Variants in SNF8 observed in about 807,000 individuals in gnomAD.
SNF8 encodes the protein SNF8 subunit of ESCRT-II.
A neutral mutation model predicts 36.8 loss-of-function variants in SNF8; 19 were observed. That is an observed-to-expected ratio of 0.52 (90% CI 0.36 to 0.76). SNF8 has a LOEUF of 0.76. Among genes scored for constraint, SNF8 ranks in the 30% least tolerant of loss-of-function variants. The pLI is 0.00. For synonymous variants in SNF8, 127 were observed against 127.4 expected (o/e 1.00, Z 0.02); for missense variants, 268 against 322.9 (o/e 0.83, Z 1.30).
Position 48,941,057 on chromosome 17 carries a change from T to G in SNF8, c.111A>C (p.Ser37=). ...VLAEDQLAQM[S]KQLDMFKTNL... ...TGGTCTTGAACATGTCCAACTGCTT[T>G]GACATCTGTTGGATGGACAGGGAGT... Residue 37 remains serine (S), a synonymous_variant, in exon 3 of 8, where the codon TCA becomes TCC. Coordinates refer to ENST00000502492, the MANE Select transcript of SNF8 (RefSeq NM_007241.4). 6.2e-7 allele frequency: 1 copy of G among 1,613,776 alleles called. No homozygotes were observed. The highest frequency in any genetic ancestry group is 8.5e-7 in the Non-Finnish European group (1 of 1,179,888).
chr17:48,940,873 G>A (rs756782911), intron 3 of SNF8, 51 bp downstream of exon 3: 1 of 1,589,526 alleles, frequency 6.3e-7, no homozygotes. Context: ...GTGAGCTTCT[G>A]TTCCTCAGGT....
At chr17:48,936,111 TC>T in intron 5 of SNF8, 58 bp downstream of exon 5, 1 of 1,220,846 alleles carries the variant, frequency 8.2e-7, no homozygotes, top group Non-Finnish European at 1.2e-6. Context: ...AGAAAAGAGT[TC>T]CATCTGAATT....
In SNF8 at chr17:48,936,855, C is replaced by A. The variant is rs1328352531; in HGVS notation, c.349+165G>T. ...CAATCGTTCAGGTAATTCTATTTAC[C>A]CTTGGCCATGGAGACTTGCCATGGA... On this transcript the variant is annotated intron_variant, in intron 4 of 7. Coordinates refer to ENST00000502492, the MANE Select transcript of SNF8 (RefSeq NM_007241.4). The A allele has an allele frequency of 7.5e-6, 5 of 664,596 alleles. No homozygotes were observed. In the African/African-American group the frequency reaches 9.0e-5, roughly 12 times the overall value. 41.2% of individuals were successfully genotyped at this position (664,596 alleles called of 1,614,324 possible). A position where few individuals can be genotyped will look rare whatever the true frequency, so the allele number is the denominator to read the frequency against.
rs1459475427 is a variant in SNF8 at position 48,931,660 on chromosome 17, G to A, written c.622C>T (p.Arg208Ter). The A allele has an allele frequency of 1.2e-6, 2 of 1,613,066 alleles. No homozygotes were observed. The highest frequency in any genetic ancestry group is 1.1e-5 in the South Asian group (1 of 90,840). ...TTGCATACCAGCACTTGCCGCGCTC[G>A]CTCGGTCTCCCATTTAAGACTGGCT... Reference protein sequence around the residue: ...IKASLKWETERARQVLEHLLK... With the variant: ...IKASLKWETE Residue 208 changes from arginine (R) to a stop codon, truncating the protein, a stop_gained, in exon 7 of 8, where the codon CGA becomes TGA. Coordinates refer to ENST00000502492, the MANE Select transcript of SNF8 (RefSeq NM_007241.4). LOFTEE classifies it high-confidence loss of function.
At chr17:48,931,234 A>G (rs2040853367) in intron 7 of SNF8, among the ~76,000 whole-genome samples, 1 of 152,244 alleles carries the variant, frequency 6.6e-6, no homozygotes, top group Non-Finnish European at 1.5e-5. Context: ...AAATTTGTAT[A>G]TATAAAGCTA....
intron 3 of SNF8, among the ~76,000 whole-genome samples, chr17:48,938,990 A>G (rs1479706365): frequency 6.6e-6 from 1 of 150,716 alleles, no homozygotes; most frequent in African/African-American, 2.4e-5. Flanking sequence ...CGGGCGCGGT[A>G]GCTCACACCT....
chr17:48,938,622 C>A (rs981733603), intron 3 of SNF8, among the ~76,000 whole-genome samples: 2 of 152,082 alleles, frequency 1.3e-5, no homozygotes, highest in South Asian at 4.1e-4. Context: ...GTAATCCCAG[C>A]ACTTTGGGAG....
rs147268784 is a variant in SNF8 at position 48,930,510 on chromosome 17, T to C, written c.742A>G (p.Ile248Val). The change falls in exon 8 of 8, where the codon ATT becomes GTT. Residue 248 changes from isoleucine to valine, a missense_variant. Ile to Val is a conservative substitution (Grantham distance 29, BLOSUM62 3). Coordinates refer to ENST00000502492, the MANE Select transcript of SNF8 (RefSeq NM_007241.4). ...ALFTDLYSQE[I>V]TAEEAREALP The stretch of plus-strand genomic sequence containing the variant: ...GCTTCTCTGGCCTCCTCAGCTGTAA[T>C]CTCCTGGGAGTAGAGGTCAGTGAAG... 57 of 1,611,688 alleles carry C rather than the reference T, an allele frequency of 3.5e-5. No homozygotes were observed. The African/African-American group carries it at 6.4e-4, about 18-fold the overall frequency.
chr17:48,943,740 C>T (rs879166801), intron 2 of SNF8, among the ~76,000 whole-genome samples, 185 bp downstream of exon 2: 1 of 152,160 alleles, frequency 6.6e-6, no homozygotes, highest in South Asian at 2.1e-4. Context: ...AGCATGTAAT[C>T]ACTCAAAGAT....
At chr17:48,930,704 AG>A in intron 7 of SNF8, 92 bp from the exon 8 acceptor site, 1 of 1,356,804 alleles carries the variant, frequency 7.4e-7, no homozygotes, top group East Asian at 2.4e-5. Flanking sequence ...TTTTGGCTTC[AG>A]TGAGGTTTTC....
chr17:48,931,672 ATT>A lies in SNF8; in HGVS notation c.608_609del (p.Lys203MetfsTer39). 1 of 1,613,576 alleles carries A rather than the reference ATT, an allele frequency of 6.2e-7. No homozygotes were observed. Among genetic ancestry groups the A allele is most frequent in the Non-Finnish European group, 8.5e-7 (1 of 1,179,772 alleles). On this transcript the variant is annotated frameshift_variant, in exon 7 of 8. Transcript: ENST00000502492. LOFTEE classifies it high-confidence loss of function. The part of the protein sequence containing the change: ...VTVSEIKASL[K>X]WETERARQVL... ...ACTTGCCGCGCTCGCTCGGTCTCCCATTTAAGACTGGCTTTGATCTCACTGAC... is the reference window on the plus strand; with the variant it reads ...ACTTGCCGCGCTCGCTCGGTCTCCCATAAGACTGGCTTTGATCTCACTGAC...
chr17:48,942,410 CTG>C (rs1168129413), intron 2 of SNF8, among the ~76,000 whole-genome samples: 1 of 152,084 alleles, frequency 6.6e-6, no homozygotes. Flanking sequence ...GCCATCTCCC[CTG>C]TGAGTGGGTG....
intron 3 of SNF8, among the ~76,000 whole-genome samples, chr17:48,939,007 C>A (rs953871821): frequency 1.3e-4 from 20 of 152,000 alleles, no homozygotes; most frequent in African/African-American, 4.8e-4. Flanking sequence ...ACCTGTAATC[C>A]CAGTACTTTG....
At chr17:48,938,804 C>T (rs1014921844) in intron 3 of SNF8, among the ~76,000 whole-genome samples, 2 of 139,828 alleles carry the variant, frequency 1.4e-5, no homozygotes, top group Admixed American at 7.3e-5. Context: ...ACCCAGGAGG[C>T]GGAGGTTGCA....
Position 48,930,619 on chromosome 17 carries a change from G to A in SNF8, c.640-7C>T. On this transcript the variant is annotated splice_region_variant and splice_polypyrimidine_tract_variant and intron_variant, in intron 7 of 7. Transcript: ENST00000502492. ...CTTCCTTCAGCAGGTGTTCCTGGAGGGAAAAGGGAAGAAGAGCAGTTTGAG... is the reference window on the plus strand; with the variant it reads ...CTTCCTTCAGCAGGTGTTCCTGGAGAGAAAAGGGAAGAAGAGCAGTTTGAG... 6.2e-7 allele frequency: 1 copy of A among 1,612,314 alleles called. No individual in the cohort carries two copies. The highest frequency in any genetic ancestry group is 1.3e-5 in the African/African-American group (1 of 75,012).
At chr17:48,939,648 ACAGGGTTTCACCGTGTTAGC>A (rs1219260772) in intron 3 of SNF8, among the ~76,000 whole-genome samples, 1 of 151,502 alleles carries the variant, frequency 6.6e-6, no homozygotes, top group African/African-American at 2.4e-5. Flanking sequence ...TTTAGTAGAG[ACAGGGTTTCACCGTGTTAGC>A]CAGGATGGCC....
chr17:48,937,266 A>G (rs1035345320), intron 3 of SNF8, 142 bp from the exon 4 acceptor site: 3 of 743,908 alleles, frequency 4.0e-6, no homozygotes, highest in Non-Finnish European at 4.8e-6. Flanking sequence ...CTACTCAGGA[A>G]ACAATCGGAC....
At chr17:48,940,481 C>T (rs2041003266) in intron 3 of SNF8, among the ~76,000 whole-genome samples, 1 of 151,952 alleles carries the variant, frequency 6.6e-6, no homozygotes, top group South Asian at 2.1e-4. Context: ...AGCCATCCTG[C>T]TAGGTACTCC....
At chr17:48,935,524 A>T (rs1048566095) in intron 5 of SNF8, among the ~76,000 whole-genome samples, 4 of 151,484 alleles carry the variant, frequency 2.6e-5, no homozygotes, top group African/African-American at 9.7e-5. Context: ...AAAAAAAAAA[A>T]AAAAAAATTA....
Sources: gnomAD v4.1 joint callset for allele counts (sites outside exome capture counted in the v4.1 genomes callset) on GRCh38, gnomAD v4.1.1 for gene constraint, MANE v1.5 for transcripts, NCBI Gene and HGNC (gene_info 2026-07-23, HGNC 2026-07-21) for gene names.